RBFOX1: variants seen among roughly 807,000 people sequenced by gnomAD.
The protein encoded by RBFOX1 is RNA binding fox-1 homolog 1, also known as RNA binding protein fox-1 homolog 1.
Under a neutral mutation model 57.7 loss-of-function variants are expected in RBFOX1, and 8 were observed. That is an observed-to-expected ratio of 0.14 (90% CI 0.08 to 0.25). The LOEUF is 0.25. Ranked by LOEUF, RBFOX1 falls within the 10% of genes least tolerant of loss-of-function variation. RBFOX1 has a pLI of 1.00. For synonymous variants in RBFOX1, 326 were observed against 222.4 expected (o/e 1.47, Z -4.15); for missense variants, 611 against 548.5 (o/e 1.11, Z -1.14).
intron 3 of RBFOX1, among the ~76,000 whole-genome samples, chr16:5,739,493 G>C (rs2052699975): frequency 6.6e-6 from 1 of 152,196 alleles, no homozygotes; most frequent in South Asian, 2.1e-4. Flanking sequence ...AGAAAAGAAA[G>C]CATAAGAGTA....
chr16:6,458,917 T>C (rs117133217), intron 2 of RBFOX1, among the ~76,000 whole-genome samples: 1 of 152,318 alleles, frequency 6.6e-6, no homozygotes, highest in East Asian at 1.9e-4. Context: ...GCTGATTTTC[T>C]CCACAAAACT....
intron 3 of RBFOX1, among the ~76,000 whole-genome samples, chr16:5,763,140 A>G (rs550310695): frequency 6.6e-6 from 1 of 152,294 alleles, no homozygotes; most frequent in East Asian, 1.9e-4. Flanking sequence ...CCAACACAAG[A>G]ATGTGGGGCA....
chr16:7,140,157 CCTCTCTCTCT>C lies in RBFOX1; in HGVS notation c.27+88087_27+88096del, dbSNP rs57128710. On this transcript the variant is annotated intron_variant, in intron 4 of 15. Transcript: ENST00000550418. ...CATTCTCTTATTCTCTCCTTCTCTC[CCTCTCTCTCT>C]CTCTCTCTCTCTCTCTCTCTCTCTC... 1.1e-3 allele frequency among the ~76,000 whole-genome samples: 78 copies of C among 70,888 alleles called. 1 individual carries two copies. The highest frequency in any genetic ancestry group is 3.5e-3 in the African/African-American group (59 of 16,902). The allele number at this position is 70,888 out of a possible 152,430, so 46.5% of individuals were successfully genotyped here. A position where few individuals can be genotyped will look rare whatever the true frequency, so the allele number is the denominator to read the frequency against.
chr16:7,031,329 C>T (rs1057120022), intron 3 of RBFOX1, among the ~76,000 whole-genome samples: 13 of 152,104 alleles, frequency 8.5e-5, no homozygotes, highest in African/African-American at 3.1e-4. Context: ...GGTGCTATGG[C>T]TCATACCTGT....
chr16:7,647,174 C>A (rs184485943), intron 11 of RBFOX1, among the ~76,000 whole-genome samples: 5 of 152,248 alleles, frequency 3.3e-5, no homozygotes, highest in East Asian at 3.9e-4. Context: ...ACTCTACTAA[C>A]CTCCCCCAGA....
chr16:6,662,358 CAT>C (rs1485545142), intron 3 of RBFOX1, among the ~76,000 whole-genome samples: 1 of 152,086 alleles, frequency 6.6e-6, no homozygotes, highest in East Asian at 1.9e-4. Flanking sequence ...ATGATATACA[CAT>C]GTATCAAAAG....
intron 3 of RBFOX1, among the ~76,000 whole-genome samples, chr16:7,013,383 C>A (rs1446428488): frequency 6.6e-6 from 1 of 152,162 alleles, no homozygotes; most frequent in South Asian, 2.1e-4. Flanking sequence ...AAATTGCCCA[C>A]TTTCTGACCC....
chr16:7,018,900 C>T (rs1404549188), intron 3 of RBFOX1, among the ~76,000 whole-genome samples: 2 of 152,134 alleles, frequency 1.3e-5, no homozygotes, highest in African/African-American at 4.8e-5. Flanking sequence ...GGGAGGATCT[C>T]TTGAGCTCAG....
chr16:7,043,488 C>G (rs1167964204), intron 3 of RBFOX1, among the ~76,000 whole-genome samples: 1 of 152,148 alleles, frequency 6.6e-6, no homozygotes, highest in Non-Finnish European at 1.5e-5. Context: ...ACCCTAGGTA[C>G]TTGGAGACGT....
At chr16:6,443,135 T>G (rs1320079394) in intron 2 of RBFOX1, among the ~76,000 whole-genome samples, 1 of 152,156 alleles carries the variant, frequency 6.6e-6, no homozygotes, top group Non-Finnish European at 1.5e-5. Context: ...TGCCTGTTTT[T>G]CACATAGGCC....
chr16:5,672,481 C>G (rs993162410), intron 3 of RBFOX1, among the ~76,000 whole-genome samples: 1 of 152,142 alleles, frequency 6.6e-6, no homozygotes, highest in African/African-American at 2.4e-5. Flanking sequence ...GGGTGCACCT[C>G]ATTCTTTAAG....
intron 2 of RBFOX1, among the ~76,000 whole-genome samples, chr16:6,448,961 T>G (rs2094539860): frequency 6.6e-6 from 1 of 152,222 alleles, no homozygotes; most frequent in Admixed American, 6.5e-5. Context: ...TTTCGTAAAC[T>G]AATTTCAGCA....
intron 4 of RBFOX1, among the ~76,000 whole-genome samples, chr16:7,225,538 G>A (rs912299182): frequency 2.0e-5 from 3 of 151,824 alleles, no homozygotes; most frequent in Admixed American, 1.3e-4. Context: ...CCAGTCTCAA[G>A]TATGTCTTTA....
chr16:6,683,658 G>T (rs1000083073), intron 3 of RBFOX1, among the ~76,000 whole-genome samples: 2 of 152,126 alleles, frequency 1.3e-5, no homozygotes, highest in Non-Finnish European at 2.9e-5. Context: ...GCTCATACCA[G>T]GTTTAAGGCG....
intron 1 of RBFOX1, among the ~76,000 whole-genome samples, chr16:6,187,813 C>G (rs1335958602): frequency 6.6e-6 from 1 of 152,178 alleles, no homozygotes; most frequent in Non-Finnish European, 1.5e-5. Flanking sequence ...ACACCCAGAG[C>G]AAAGTCAGCT....
intron 4 of RBFOX1, among the ~76,000 whole-genome samples, chr16:7,370,971 A>G (rs571674471): frequency 2.6e-5 from 4 of 152,320 alleles, no homozygotes; most frequent in East Asian, 1.9e-4. Context: ...CAAAGCCCCA[A>G]TCAGGAAATT....
intron 1 of RBFOX1, among the ~76,000 whole-genome samples, chr16:5,420,981 C>CCTCCTCCT (rs2067307582): frequency 7.9e-6 from 1 of 125,960 alleles, no homozygotes; most frequent in African/African-American, 3.8e-5. Context: ...CCTCCTTCTT[C>CCTCCTCCT]CCTTCCTCCT....
intron 3 of RBFOX1, among the ~76,000 whole-genome samples, chr16:7,004,647 C>T (rs2093139814): frequency 6.6e-6 from 1 of 152,134 alleles, no homozygotes; most frequent in Non-Finnish European, 1.5e-5. Flanking sequence ...ATTGGTATTC[C>T]ATTGTCTGGG....
At chr16:7,176,345 C>T (rs2081644524) in intron 4 of RBFOX1, among the ~76,000 whole-genome samples, 1 of 151,862 alleles carries the variant, frequency 6.6e-6, no homozygotes, top group African/African-American at 2.4e-5. Context: ...ACATCTTTGG[C>T]ACTGGGAAGA....
Sources: allele counts gnomAD v4.1 joint callset (sites outside exome capture counted in the v4.1 genomes callset), GRCh38; gene constraint gnomAD v4.1.1; transcripts MANE v1.5; gene names NCBI Gene and HGNC (gene_info 2026-07-23, HGNC 2026-07-21).